The following DNAAF1 variants were observed in gnomAD, a reference collection of about 807,000 sequenced individuals.
The protein encoded by DNAAF1 is dynein assembly factor 1, axonemal.
DNAAF1 carries 65 observed loss-of-function variants against 71.1 expected under a neutral mutation model. The ratio of observed to expected loss-of-function variants is 0.91; its 90% CI spans 0.75 to 1.12. DNAAF1 has a LOEUF of 1.12. DNAAF1 is among the 50% of genes most tolerant of loss of function. The probability of loss-of-function intolerance (pLI) is 0.00; values close to 1 mark genes in which losing one functional copy is unlikely to be tolerated. For synonymous variants in DNAAF1, 414 were observed against 354.6 expected, an observed-to-expected ratio of 1.17 and a Z score of -1.88; for missense variants, 1,178 against 899.8, an observed-to-expected ratio of 1.31 and a Z score of -3.96.
Position 84,166,087 on chromosome 16 carries a change from T to C in DNAAF1, c.1030+138T>C, listed in dbSNP as rs1282261431. ...TTTAGACAGAGTCTTGCTCTGTCAC[T>C]GAGGTTGCAAAGTTGGAGTGCAGCA... On this transcript the variant is annotated intron_variant, in intron 7 of 11. Coordinates refer to ENST00000378553, the MANE Select transcript of DNAAF1 (RefSeq NM_178452.6). 1.5e-5 allele frequency: 19 copies of C among 1,230,116 alleles called. No individual in the cohort carries two copies. In the East Asian group the frequency reaches 5.0e-4, roughly 32 times the overall value. The allele number at this position is 1,230,116 out of a possible 1,614,324, so 76.2% of individuals were successfully genotyped here.
intron 3 of DNAAF1, among the ~76,000 whole-genome samples, chr16:84,151,848 A>G (rs1001220889): frequency 6.6e-6 from 1 of 152,126 alleles, no homozygotes; most frequent in African/African-American, 2.4e-5. Flanking sequence ...TTCTCACCAC[A>G]TGAGCCTCCC....
At chr16:84,168,434 T>G (rs527759992) in intron 7 of DNAAF1, among the ~76,000 whole-genome samples, 15 of 152,330 alleles carry the variant, frequency 9.8e-5, no homozygotes, top group South Asian at 6.2e-4. Context: ...TGAACACCTT[T>G]GACTAATATT....
intron 5 of DNAAF1, among the ~76,000 whole-genome samples, chr16:84,156,856 T>C (rs1487012379): frequency 1.5e-4 from 21 of 143,126 alleles, no homozygotes; most frequent in South Asian, 2.3e-4. Flanking sequence ...TCTTTCTTTT[T>C]TTTTTTTTTT....
Position 84,165,823 on chromosome 16 carries a change from G to T in DNAAF1, c.904G>T (p.Glu302Ter). ...CTGGGCTAGGGGAGGGTACGCAGCTGAAAAGGAGGAGAGACAGCAGTGGGA... is the reference window on the plus strand; with the variant it reads ...CTGGGCTAGGGGAGGGTACGCAGCTTAAAAGGAGGAGAGACAGCAGTGGGA... ...EAWARGGYAA[E>*]KEERQQWESR... Residue 302 changes from glutamate (E) to a stop codon, truncating the protein, a stop_gained, in exon 7 of 12, where the codon GAA becomes TAA. Transcript: ENST00000378553. LOFTEE classifies it high-confidence loss of function. 6.2e-7 allele frequency: 1 copy of T among 1,613,710 alleles called. No individual in the cohort carries two copies. Among genetic ancestry groups the T allele is most frequent in the Non-Finnish European group, 8.5e-7 (1 of 1,179,972 alleles).
At chr16:84,175,493 G>A (rs546601319) in intron 10 of DNAAF1, 32 of 234,068 alleles carry the variant, frequency 1.4e-4, no homozygotes, top group South Asian at 1.3e-3. Context: ...TGCCAGACCC[G>A]TACCCTGAGG....
intron 4 of DNAAF1, 120 bp from the exon 5 acceptor site, chr16:84,155,463 C>T (rs928657127): frequency 1.2e-5 from 14 of 1,174,550 alleles, no homozygotes; most frequent in Middle Eastern, 2.7e-4. Flanking sequence ...CTCCTGGGCT[C>T]GAAAGATTCT....
intron 5 of DNAAF1, among the ~76,000 whole-genome samples, chr16:84,157,778 T>C (rs990841738): frequency 6.6e-6 from 1 of 152,210 alleles, no homozygotes; most frequent in Non-Finnish European, 1.5e-5. Context: ...CTGTAGTGTG[T>C]ACTATCAAAA....
rs2151266342 is a variant in DNAAF1 at position 84,170,153 on chromosome 16, T to A, written c.1325T>A (p.Leu442His). 1 of 1,581,766 alleles carries A rather than the reference T, an allele frequency of 6.3e-7. No homozygotes were observed. The highest frequency in any genetic ancestry group is 8.6e-7 in the Non-Finnish European group (1 of 1,161,952). Residue 442 changes from leucine (L) to histidine (H), a missense_variant, in exon 8 of 12, where the codon CTC (leucine) becomes CAC (histidine). Coordinates refer to ENST00000378553, the MANE Select transcript of DNAAF1 (RefSeq NM_178452.6). The part of the protein sequence containing the change: ...EDGDGEPEGT[L>H]PAEAPPPPPP... The stretch of plus-strand genomic sequence containing the variant: ...GGAGATGGAGAGCCAGAGGGGACCC[T>A]CCCAGCTGAGGCCCCACCACCCCCG...
chr16:84,161,296 T>C (rs1197580982), intron 6 of DNAAF1, among the ~76,000 whole-genome samples: 1 of 152,124 alleles, frequency 6.6e-6, no homozygotes, highest in Non-Finnish European at 1.5e-5. Context: ...CCAGGGGCCA[T>C]GCTGAGGAAA....
chr16:84,172,811 G>T (rs1190761939), intron 9 of DNAAF1: 24 of 1,054,992 alleles, frequency 2.3e-5, no homozygotes, highest in Non-Finnish European at 2.8e-5. Flanking sequence ...ACACCGCCCA[G>T]CAGGTAGCTT....
rs867738515 is a variant in DNAAF1 at position 84,170,355 on chromosome 16, A to G, written c.1527A>G (p.Glu509=). ...PPPPPLGAAR[E]EPTPQAVATE... ...CACCGCCCCTGGGAGCTGCCAGGGAAGGTAATGTGAGCGGAGAAACACACA... is the reference window on the plus strand; with the variant it reads ...CACCGCCCCTGGGAGCTGCCAGGGAGGGTAATGTGAGCGGAGAAACACACA... The change falls in exon 8 of 12, where the codon GAA becomes GAG. Residue 509 remains glutamate (E), a splice_region_variant and synonymous_variant. Coordinates refer to ENST00000378553, the MANE Select transcript of DNAAF1 (RefSeq NM_178452.6). 4 of 1,613,720 alleles carry G rather than the reference A, an allele frequency of 2.5e-6. No homozygotes were observed. In the Middle Eastern group the frequency reaches 6.6e-4, roughly 266 times the overall value.
chr16:84,176,499 G>C (rs2088670420), intron 11 of DNAAF1, 200 bp downstream of exon 11: 2 of 809,194 alleles, frequency 2.5e-6, no homozygotes, highest in Non-Finnish European at 3.9e-6. Flanking sequence ...TAGCCAGCCT[G>C]GGCCAGGAAG....
chr16:84,170,070 G>C lies in DNAAF1; in HGVS notation c.1242G>C (p.Gly414=). ...AGGATGGAGGTCCAGAGCCAGAGGGGACCCTCCCAGCTGAGACCCTGCTAC... is the reference window on the plus strand; with the variant it reads ...AGGATGGAGGTCCAGAGCCAGAGGGCACCCTCCCAGCTGAGACCCTGCTAC... ...KREDGGPEPE[G]TLPAETLLLS... is the part of the protein sequence containing the mutation. Residue 414 remains glycine (G), a synonymous_variant, in exon 8 of 12, where the codon GGG becomes GGC. Coordinates refer to ENST00000378553, the MANE Select transcript of DNAAF1 (RefSeq NM_178452.6). The C allele has an allele frequency of 6.2e-7, 1 of 1,613,640 alleles. No individual in the cohort carries two copies. Among genetic ancestry groups the C allele is most frequent in the African/African-American group, 1.3e-5 (1 of 74,976 alleles).
intron 11 of DNAAF1, 91 bp from the exon 12 acceptor site, chr16:84,177,638 G>C (rs1004949667): frequency 2.7e-6 from 3 of 1,109,036 alleles, no homozygotes; most frequent in East Asian, 2.4e-5. Flanking sequence ...TGAGGACACT[G>C]AATTTGGCCT....
At chr16:84,172,804 C>G (rs1017724063) in intron 9 of DNAAF1, 3 of 1,061,808 alleles carry the variant, frequency 2.8e-6, no homozygotes, top group South Asian at 6.2e-5. Flanking sequence ...TCCGTGGACA[C>G]CGCCCAGCAG....
In DNAAF1 at chr16:84,150,362, A is replaced by G; in HGVS notation, c.352+20A>G. ...TTAAAGGTAAGGACCTAAGAGAGGA[A>G]GTGCTTCACGTCAGGTGGAAAGATT... On this transcript the variant is annotated intron_variant, in intron 3 of 11. Transcript: ENST00000378553. 6.4e-7 allele frequency: 1 copy of G among 1,551,940 alleles called. No individual in the cohort carries two copies. Among genetic ancestry groups the G allele is most frequent in the Non-Finnish European group, 8.9e-7 (1 of 1,123,268 alleles).
chr16:84,172,357 G>A lies in DNAAF1; in HGVS notation c.1626G>A (p.Lys542=), dbSNP rs149711368. The change falls in exon 9 of 12, where the codon AAG becomes AAA. Residue 542 remains lysine, a synonymous_variant. Transcript: ENST00000378553. Reference sequence around the variant, plus strand: ...TAGAAACCATTAGACTGGAGACAAAGGAGACATTCTGCATTGATGTACATG... The same window carrying A: ...TAGAAACCATTAGACTGGAGACAAAAGAGACATTCTGCATTGATGTACATG... ...EDLETIRLET[K]ETFCIDDLPD... 30 of 1,614,038 alleles carry A rather than the reference G, an allele frequency of 1.9e-5. No homozygotes were observed. The African/African-American group carries it at 3.7e-4, about 20-fold the overall frequency.
At position 84,172,411 on chromosome 16, in the gene DNAAF1, G is replaced by A. The variant is rs773241726; in HGVS notation, c.1644+36G>A. The A allele has an allele frequency of 2.5e-6, 4 of 1,609,396 alleles. No homozygotes were observed. In the East Asian group the frequency reaches 6.7e-5, roughly 27 times the overall value. On this transcript the variant is annotated intron_variant, in intron 9 of 11. Transcript: ENST00000378553. ...TATTTAATCTTGGAGATAAGTATCA[G>A]TTTTACTGTTAGTAAAATAGGTAAT...
In DNAAF1 at chr16:84,165,900, C is replaced by T. The variant is rs751657313; in HGVS notation, c.981C>T (p.Ile327=). 1.9e-6 allele frequency: 3 copies of T among 1,613,496 alleles called. No homozygotes were observed. The highest frequency in any genetic ancestry group is 2.5e-6 in the Non-Finnish European group (3 of 1,179,934). Residue 327 remains isoleucine, a synonymous_variant, in exon 7 of 12, where the codon ATC becomes ATT. Transcript: ENST00000378553. ...ACAGCATTGAAGCCTTGGCCATGAT[C>T]AAGCAGCGGGCAGAGGAGAGGAAAA... The part of the protein sequence containing the change: ...ITDSIEALAM[I]KQRAEERKRQ...
Sources: allele counts gnomAD v4.1 joint callset (sites outside exome capture counted in the v4.1 genomes callset), GRCh38; gene constraint gnomAD v4.1.1; transcripts MANE v1.5; gene names NCBI Gene and HGNC (gene_info 2026-07-23, HGNC 2026-07-21).